DGKH: variants seen among roughly 807,000 people sequenced by gnomAD.
The protein encoded by DGKH is DAG kinase eta.
A neutral mutation model predicts 159.3 loss-of-function variants in DGKH; 90 were observed. The observed-to-expected ratio is 0.57, with a 90% CI of 0.48 to 0.67. The LOEUF (loss-of-function observed/expected upper bound fraction) is 0.67. Ranked by LOEUF, DGKH falls within the 30% of genes least tolerant of loss-of-function variation. The probability of loss-of-function intolerance (pLI) is 0.00; values close to 1 mark genes in which losing one functional copy is unlikely to be tolerated. For missense variants in DGKH, 1,181 were observed against 1,506.1 expected (o/e 0.78, Z 3.57); for synonymous variants, 536 against 553.8 (o/e 0.97, Z 0.45).
chr13:42,199,659 G>T lies in DGKH; in HGVS notation c.2379G>T (p.Glu793Asp). ...TAGAATTTAATAATAAAAGAGAGGA[G>T]CACCCTGAAAAATGCAGGTAATTTT... ...ISLEFNNKREEHPEKCRSRTK... is the reference protein window; with the variant it reads ...ISLEFNNKREDHPEKCRSRTK... Residue 793 changes from glutamate to aspartate, a missense_variant, in exon 19 of 30, where the codon GAG becomes GAT. Coordinates refer to ENST00000337343, the MANE Select transcript of DGKH (RefSeq NM_178009.5). 6.3e-7 allele frequency: 1 copy of T among 1,593,196 alleles called. No homozygotes were observed. The highest frequency in any genetic ancestry group is 1.8e-5 in the Admixed American group (1 of 55,306).
chr13:42,095,478 T>C (rs1373273674), intron 1 of DGKH, among the ~76,000 whole-genome samples: 3 of 152,174 alleles, frequency 2.0e-5, no homozygotes, highest in Non-Finnish European at 4.4e-5. Context: ...TTGACTACTT[T>C]TAATGAGTGC....
At chr13:42,113,219 T>G (rs1954899902) in intron 1 of DGKH, among the ~76,000 whole-genome samples, 1 of 152,188 alleles carries the variant, frequency 6.6e-6, no homozygotes, top group South Asian at 2.1e-4. Context: ...TTAATGATAT[T>G]AGTTAAAGGT....
intron 1 of DGKH, among the ~76,000 whole-genome samples, chr13:42,063,565 A>G (rs1882338125): frequency 1.3e-5 from 2 of 152,240 alleles, no homozygotes; most frequent in Admixed American, 6.5e-5. Flanking sequence ...GAGGAGGGAA[A>G]AAATGAAGCA....
At chr13:42,177,204 C>T (rs1956626623) in intron 12 of DGKH, among the ~76,000 whole-genome samples, 1 of 152,132 alleles carries the variant, frequency 6.6e-6, no homozygotes, top group Non-Finnish European at 1.5e-5. Flanking sequence ...ACCCCCACCT[C>T]CTACCCCAAT....
chr13:42,227,101 T>C (rs1958152746), intron 29 of DGKH, among the ~76,000 whole-genome samples: 1 of 152,028 alleles, frequency 6.6e-6, no homozygotes, highest in Non-Finnish European at 1.5e-5. Context: ...CACTGGGTCC[T>C]GTTGTGGGGG....
intron 13 of DGKH, among the ~76,000 whole-genome samples, chr13:42,183,150 G>A (rs990879044): frequency 6.6e-6 from 1 of 152,120 alleles, no homozygotes; most frequent in Admixed American, 6.5e-5. Flanking sequence ...TTAGCTGGGT[G>A]TGGTGGTATG....
chr13:42,141,028 C>CATTAACTCGTCATTTACATTAGGTATAT (rs1955539996), intron 3 of DGKH, among the ~76,000 whole-genome samples: 2 of 52,126 alleles, frequency 3.8e-5, no homozygotes, highest in East Asian at 5.1e-4. Flanking sequence ...TGTGCTGAAC[C>CATTAACTCGTCATTTACATTAGGTATAT]CTCCTAATGC....
intron 1 of DGKH, among the ~76,000 whole-genome samples, chr13:42,065,716 C>T (rs2148656): frequency 0.67 from 101,116 of 151,752 alleles, 34,319 homozygotes; most frequent in East Asian, 0.89. Flanking sequence ...GTAGGAAATA[C>T]TTGGGTGAGG....
At chr13:42,183,868 CTT>C (rs999938265) in intron 13 of DGKH, among the ~76,000 whole-genome samples, 4 of 152,238 alleles carry the variant, frequency 2.6e-5, no homozygotes, top group African/African-American at 9.6e-5. Flanking sequence ...AGTTTAAAAA[CTT>C]TTTTAGCTTT....
chr13:42,068,122 T>C (rs1882711990), intron 1 of DGKH, among the ~76,000 whole-genome samples: 1 of 152,124 alleles, frequency 6.6e-6, no homozygotes. Flanking sequence ...AAAATGAGTA[T>C]GTGGACCGCC....
rs1225535043 is a variant in DGKH, at chr13:42,240,062, C to T, written c.*10874C>T. On this transcript the variant is annotated 3_prime_UTR_variant, in exon 30 of 30. Coordinates refer to ENST00000337343, the MANE Select transcript of DGKH (RefSeq NM_178009.5). ...TTAAAATAACATAACATTTCAATTA[C>T]ACACACACAACCTGTCTCTTCCACT... 6.6e-6 allele frequency: 1 copy of T among 152,166 alleles called. No individual in the cohort carries two copies. Among genetic ancestry groups the T allele is most frequent in the African/African-American group, 2.4e-5 (1 of 41,434 alleles). The allele number at this position is 152,166 out of a possible 1,614,324, so 9.4% of individuals were successfully genotyped here.
intron 25 of DGKH, among the ~76,000 whole-genome samples, chr13:42,214,943 A>G (rs1260795526): frequency 6.6e-6 from 1 of 152,118 alleles, no homozygotes; most frequent in African/African-American, 2.4e-5. Flanking sequence ...GTTAAAGGGC[A>G]ATCCTAGATA....
rs1238343665 is a variant in DGKH at position 42,242,829 on chromosome 13, GAC to G, written c.*13643_*13644del. On this transcript the variant is annotated 3_prime_UTR_variant, in exon 30 of 30. Transcript: ENST00000337343. ...GATCCTGATGTACATGATGATGAAA[GAC>G]ATCTTTCCCAAAGGGCACTGCCTTG... is the stretch of plus-strand genomic sequence containing the variant. 6.6e-6 allele frequency: 1 copy of G among 152,184 alleles called. No homozygotes were observed. The highest frequency in any genetic ancestry group is 6.5e-5 in the Admixed American group (1 of 15,282). 9.4% of individuals were successfully genotyped at this position (152,184 alleles called of 1,614,324 possible).
chr13:42,171,159 G>T (rs1051360194), intron 11 of DGKH, among the ~76,000 whole-genome samples: 1 of 152,094 alleles, frequency 6.6e-6, no homozygotes, highest in Non-Finnish European at 1.5e-5. Context: ...GCTTTACTTC[G>T]TGTATCATCT....
chr13:42,234,577 TG>T lies in DGKH; in HGVS notation c.*5390del, dbSNP rs1406563268. 6.6e-6 allele frequency: 1 copy of T among 152,228 alleles called. No homozygotes were observed. Among genetic ancestry groups the T allele is most frequent in the African/African-American group, 2.4e-5 (1 of 41,462 alleles). 9.4% of individuals were successfully genotyped at this position (152,228 alleles called of 1,614,324 possible). A position where few individuals can be genotyped will look rare whatever the true frequency, so the allele number is the denominator to read the frequency against. On this transcript the variant is annotated 3_prime_UTR_variant, in exon 30 of 30. Transcript: ENST00000337343. ...ATTAACTCATCCTACATCTCTCAGA[TG>T]TAAGTTGGATAAGAGTGGGTTTGAA...
At chr13:42,245,921 C>T (rs1049371574), downstream of DGKH, among the ~76,000 whole-genome samples, 14 of 152,246 alleles carry the variant, frequency 9.2e-5, no homozygotes, top group Non-Finnish European at 2.1e-4. Flanking sequence ...CTAGCTGAAT[C>T]ATCATATTAA....
intron 1 of DGKH, chr13:42,070,675 AG>A: frequency 1.2e-6 from 2 of 1,612,452 alleles, no homozygotes; most frequent in Admixed American, 3.3e-5. Flanking sequence ...AATATACTTG[AG>A]CCCCCGTAGC....
rs1882777890 is a variant in DGKH at position 42,068,998 on chromosome 13, G to C, written c.192+20033G>C. The C allele has an allele frequency of 2.7e-6, 4 of 1,477,550 alleles. No homozygotes were observed. In the Admixed American group the frequency reaches 6.8e-5, roughly 25 times the overall value. 91.5% of individuals were successfully genotyped at this position (1,477,550 alleles called of 1,614,324 possible). A position where few individuals can be genotyped will look rare whatever the true frequency, so the allele number is the denominator to read the frequency against. On this transcript the variant is annotated intron_variant, in intron 1 of 29. Coordinates refer to ENST00000337343, the MANE Select transcript of DGKH (RefSeq NM_178009.5). ...AATTTGAGGGGAAGATTTCATAGCA[G>C]AAGCTGTTAATGTGGCCTGTATTGA...
intron 13 of DGKH, among the ~76,000 whole-genome samples, chr13:42,186,446 C>G (rs1322397148): frequency 2.0e-5 from 3 of 152,118 alleles, no homozygotes; most frequent in African/African-American, 7.2e-5. Flanking sequence ...ACAAGTAAAC[C>G]ATATACTGCT....
Sources: gnomAD v4.1 joint callset for allele counts (sites outside exome capture counted in the v4.1 genomes callset) on GRCh38, gnomAD v4.1.1 for gene constraint, MANE v1.5 for transcripts, NCBI Gene and HGNC (gene_info 2026-07-23, HGNC 2026-07-21) for gene names.